Variants in FRS2 observed in about 807,000 individuals in gnomAD.
The protein encoded by FRS2 is fibroblast growth factor receptor substrate 2.
FRS2 carries 8 observed loss-of-function variants against 43.9 expected under a neutral mutation model. The observed-to-expected ratio is 0.18, with a 90% confidence interval of 0.11 to 0.33. FRS2 has a LOEUF of 0.33. Among genes scored for constraint, FRS2 ranks in the 10% least tolerant of loss-of-function variants. The pLI is 1.00. For synonymous variants in FRS2, 219 were observed against 220.3 expected, an observed-to-expected ratio of 0.99 and a Z score of 0.05; for missense variants, 534 against 627.6, an observed-to-expected ratio of 0.85 and a Z score of 1.59.
chr12:69,533,981 C>G (rs1391198628), intron 3 of FRS2, among the ~76,000 whole-genome samples: 1 of 152,150 alleles, frequency 6.6e-6, no homozygotes, highest in Non-Finnish European at 1.5e-5. Context: ...ATAGTAACCA[C>G]TTGGCTTACA....
intron 1 of FRS2, among the ~76,000 whole-genome samples, chr12:69,523,704 T>C (rs1264358374): frequency 2.0e-5 from 3 of 152,238 alleles, no homozygotes; most frequent in African/African-American, 7.2e-5. Flanking sequence ...TTGTAGTGAC[T>C]GGTAAGGGTC....
intron 1 of FRS2, among the ~76,000 whole-genome samples, chr12:69,488,405 AT>A (rs1466370753): frequency 1.3e-5 from 2 of 152,186 alleles, no homozygotes; most frequent in Admixed American, 6.5e-5. Flanking sequence ...GATCATTAGC[AT>A]TTTTTAGTAA....
intron 1 of FRS2, among the ~76,000 whole-genome samples, chr12:69,509,591 T>A (rs1874273767): frequency 6.6e-6 from 1 of 152,144 alleles, no homozygotes; most frequent in Admixed American, 6.5e-5. Context: ...AAGCAGTAAC[T>A]CCCCATTTCC....
At position 69,552,413 on chromosome 12, in the gene FRS2, T is replaced by C. The variant is rs117967827; in HGVS notation, c.-121-9767T>C. The stretch of plus-strand genomic sequence containing the variant: ...ATAACAGTACAGTGACCACCATACC[T>C]GAGGATCACTTTTTTGGTAGGTAGC... On this transcript the variant is annotated intron_variant, in intron 3 of 8. Transcript: ENST00000549921. Among the ~76,000 whole-genome samples, 1,027 of 151,898 alleles carry C rather than the reference T, an allele frequency of 6.8e-3. 8 individuals carry two copies. Among genetic ancestry groups the C allele is most frequent in the Middle Eastern group, 0.014 (4 of 292 alleles).
Position 69,570,425 on chromosome 12 carries a change from CAGTAAAA to C in FRS2, c.162_168del (p.Val55GlyfsTer54). ...ATTTTATACACCCGCAAACGTGACT[CAGTAAAA>C]TGGCACTACCTCTGCCTGCGACGCT... On this transcript the variant is annotated frameshift_variant, in exon 6 of 9. Coordinates refer to ENST00000549921, the MANE Select transcript of FRS2 (RefSeq NM_001278356.2). LOFTEE classifies it high-confidence loss of function. 1 of 1,612,178 alleles carries C rather than the reference CAGTAAAA, an allele frequency of 6.2e-7. No individual in the cohort carries two copies. The highest frequency in any genetic ancestry group is 8.5e-7 in the Non-Finnish European group (1 of 1,178,264).
intron 3 of FRS2, among the ~76,000 whole-genome samples, chr12:69,557,546 A>G (rs1252829304): frequency 2.6e-5 from 4 of 151,460 alleles, no homozygotes. Context: ...TTCCCTGTAT[A>G]TGTTTTTATA....
In FRS2 at chr12:69,491,580, GGT is replaced by G. The variant is rs1872500731; in HGVS notation, c.-261+21051_-261+21052del. 2.9e-5 allele frequency: 4 copies of G among 136,114 alleles called. No individual in the cohort carries two copies. The South Asian group carries it at 7.3e-4, about 25-fold the overall frequency. The allele number at this position is 136,114 out of a possible 1,614,324, so 8.4% of individuals were successfully genotyped here. Reference sequence around the variant, plus strand: ...CAGTGTCACAATCATAGCTCACCACGGTCTTGAACTCCTGGGCTCAAGCGATC... The same window carrying G: ...CAGTGTCACAATCATAGCTCACCACGCTTGAACTCCTGGGCTCAAGCGATC... On this transcript the variant is annotated intron_variant, in intron 1 of 8. Coordinates refer to ENST00000549921, the MANE Select transcript of FRS2 (RefSeq NM_001278356.2).
At chr12:69,478,330 A>G (rs964804250) in intron 1 of FRS2, among the ~76,000 whole-genome samples, 1 of 152,188 alleles carries the variant, frequency 6.6e-6, no homozygotes, top group Non-Finnish European at 1.5e-5. Flanking sequence ...TATGCTGTTC[A>G]ATATGGTGGC....
At position 69,569,090 on chromosome 12, in the gene FRS2, G is replaced by A. The variant is rs373106662; in HGVS notation, c.60G>A (p.Lys20=). The change falls in exon 5 of 9, where the codon AAG becomes AAA. Residue 20 remains lysine (K), a synonymous_variant. Transcript: ENST00000549921. ...KDTVPDNHRN[K]FKVINVDDDG... ...CTGTCCCAGATAACCATCGGAACAAGTTTAAGGTCAGTAAAACTGGTTGAG... is the reference window on the plus strand; with the variant it reads ...CTGTCCCAGATAACCATCGGAACAAATTTAAGGTCAGTAAAACTGGTTGAG... 120 of 1,605,310 alleles carry A rather than the reference G, an allele frequency of 7.5e-5. 1 individual carries two copies. In the Admixed American group the frequency reaches 1.8e-3, roughly 25 times the overall value.
chr12:69,512,706 T>A (rs1874577579), intron 1 of FRS2, among the ~76,000 whole-genome samples: 1 of 152,192 alleles, frequency 6.6e-6, no homozygotes. Flanking sequence ...TGATTTTACT[T>A]TATAACACAT....
At position 69,579,232 on chromosome 12, in the gene FRS2, AGTT is replaced by A. The variant is rs1294561915; in HGVS notation, c.*4280_*4282del. ...AGTGGGGATGGGACGATTGCCCTCT[AGTT>A]GTCCTTTGCATATGACTGTTTTTTG... On this transcript the variant is annotated 3_prime_UTR_variant, in exon 9 of 9. Transcript: ENST00000549921. 1 of 152,590 alleles carries A rather than the reference AGTT, an allele frequency of 6.6e-6. No individual in the cohort carries two copies. Among genetic ancestry groups the A allele is most frequent in the African/African-American group, 2.4e-5 (1 of 41,432 alleles). The allele number at this position is 152,590 out of a possible 1,614,324, so 9.5% of individuals were successfully genotyped here.
At chr12:69,540,037 A>T (rs915897874) in intron 3 of FRS2, among the ~76,000 whole-genome samples, 1 of 151,876 alleles carries the variant, frequency 6.6e-6, no homozygotes, top group Non-Finnish European at 1.5e-5. Flanking sequence ...GTGGATCATG[A>T]TGTCAGGAGA....
rs1875071975 is a variant in FRS2 at position 69,516,599 on chromosome 12, T to G, written c.-260-14266T>G. 2.6e-5 allele frequency among the ~76,000 whole-genome samples: 4 copies of G among 152,314 alleles called. No individual in the cohort carries two copies. The South Asian group carries it at 8.3e-4, about 32-fold the overall frequency. Reference sequence around the variant, plus strand: ...GTGGGCTGGGTGCTAGAGATGTGCTTGATGTAAGGTAAATATCCATGAAAT... The same window carrying G: ...GTGGGCTGGGTGCTAGAGATGTGCTGGATGTAAGGTAAATATCCATGAAAT... On this transcript the variant is annotated intron_variant, in intron 1 of 8. Coordinates refer to ENST00000549921, the MANE Select transcript of FRS2 (RefSeq NM_001278356.2).
chr12:69,477,578 G>A (rs1015612907), intron 1 of FRS2, among the ~76,000 whole-genome samples: 6 of 151,308 alleles, frequency 4.0e-5, no homozygotes, highest in Non-Finnish European at 8.8e-5. Flanking sequence ...CACCGCGCCC[G>A]GCCTAAAATA....
intron 3 of FRS2, among the ~76,000 whole-genome samples, chr12:69,543,837 G>C (rs573321501): frequency 1.3e-5 from 2 of 152,240 alleles, no homozygotes; most frequent in South Asian, 4.1e-4. Context: ...AGTATGGAGA[G>C]AGAAGAATTT....
chr12:69,574,794 C>T lies in FRS2; in HGVS notation c.1366C>T (p.Pro456Ser), dbSNP rs772087017. 1 of 1,614,118 alleles carries T rather than the reference C, an allele frequency of 6.2e-7. No homozygotes were observed. Among genetic ancestry groups the T allele is most frequent in the Non-Finnish European group, 8.5e-7 (1 of 1,180,024 alleles). The change falls in exon 9 of 9, where the codon CCT (proline) becomes TCT (serine). Residue 456 changes from proline (P) to serine (S), a missense_variant. This residue lies in a region of FRS2 where 446 missense variants were observed against 494.2 expected (regional missense o/e 0.90). Coordinates refer to ENST00000549921, the MANE Select transcript of FRS2 (RefSeq NM_001278356.2). Reference sequence around the variant, plus strand: ...TGACAACCCTCAGACTCCAAAAACGCCTACAACTCCCCTTCCACAAACCCC... The same window carrying T: ...TGACAACCCTCAGACTCCAAAAACGTCTACAACTCCCCTTCCACAAACCCC... ...DSDNPQTPKT[P>S]TTPLPQTPTR... is the part of the protein sequence containing the mutation.
chr12:69,517,252 A>C (rs906607179), intron 1 of FRS2, among the ~76,000 whole-genome samples: 2 of 152,212 alleles, frequency 1.3e-5, no homozygotes, highest in African/African-American at 4.8e-5. Flanking sequence ...ACTTTGTTTC[A>C]TGGGCAAAAT....
intron 1 of FRS2, among the ~76,000 whole-genome samples, chr12:69,514,557 A>G (rs1357638877): frequency 6.6e-6 from 1 of 152,110 alleles, no homozygotes; most frequent in Non-Finnish European, 1.5e-5. Flanking sequence ...GGATGGCCAG[A>G]TGCAGTGGCT....
rs572741156 is a variant in FRS2, at chr12:69,531,613, T to C, written c.-164-401T>C. Among the ~76,000 whole-genome samples, 4 of 151,750 alleles carry C rather than the reference T, an allele frequency of 2.6e-5. No homozygotes were observed. The East Asian group carries it at 5.8e-4, about 22-fold the overall frequency. On this transcript the variant is annotated intron_variant, in intron 2 of 8. Transcript: ENST00000549921. ...TCATGGTTACAAAACTTTGTGAATA[T>C]GTAAAAAAAACACTGTTCAAAGAAA...
Sources: allele counts gnomAD v4.1 joint callset (sites outside exome capture counted in the v4.1 genomes callset), GRCh38; gene constraint gnomAD v4.1.1; regional missense constraint gnomAD v4.1.1; transcripts MANE v1.5; gene names NCBI Gene and HGNC (gene_info 2026-07-23, HGNC 2026-07-21).